CSMD1: variants seen among roughly 807,000 people sequenced by gnomAD.
CSMD1 encodes the protein CUB and sushi domain-containing protein 1.
CSMD1 carries 213 observed loss-of-function variants against 417.5 expected under a neutral mutation model. The observed-to-expected ratio is 0.51, with a 90% CI of 0.46 to 0.57. The LOEUF (loss-of-function observed/expected upper bound fraction) is 0.57, where lower values mean the gene tolerates loss of function less well. CSMD1 is among the 20% of genes least tolerant of loss of function. CSMD1 has a pLI of 0.00. For synonymous variants in CSMD1, 2,862 were observed against 1,736.8 expected (o/e 1.65, Z -16.11); for missense variants, 6,923 against 4,529.7 (o/e 1.53, Z -15.17).
At chr8:4,576,770 T>C (rs1434132668) in intron 2 of CSMD1, among the ~76,000 whole-genome samples, 1 of 152,184 alleles carries the variant, frequency 6.6e-6, no homozygotes, top group Non-Finnish European at 1.5e-5. Context: ...TGTATGCTAA[T>C]TCAAGTGATA....
At chr8:3,272,285 T>A (rs555439406) in intron 26 of CSMD1, among the ~76,000 whole-genome samples, 1 of 145,070 alleles carries the variant, frequency 6.9e-6, no homozygotes, top group South Asian at 2.3e-4. Context: ...ATTCCATTGA[T>A]CTATATCTCT....
chr8:3,608,877 C>G (rs753763632), intron 8 of CSMD1, among the ~76,000 whole-genome samples: 1 of 152,034 alleles, frequency 6.6e-6, no homozygotes, highest in East Asian at 1.9e-4. Flanking sequence ...ATCAATTAAA[C>G]CAAGATTGTC....
At position 4,143,371 on chromosome 8, in the gene CSMD1, C is replaced by CT. The variant is rs71534385; in HGVS notation, c.416-111273dup. On this transcript the variant is annotated intron_variant, in intron 3 of 69. Coordinates refer to ENST00000635120, the MANE Select transcript of CSMD1 (RefSeq NM_033225.6). ...GCTGAAATATAATGACGTCTTATCC[C>CT]TTTTTTTTTTTTTTTTGCTACAGAC... 2.2e-3 allele frequency among the ~76,000 whole-genome samples: 246 copies of CT among 112,908 alleles called. 7 individuals carry two copies. The highest frequency in any genetic ancestry group is 9.1e-3 in the Middle Eastern group (2 of 220). The allele number at this position is 112,908 out of a possible 152,430, so 74.1% of individuals were successfully genotyped here. A position where few individuals can be genotyped will look rare whatever the true frequency, so the allele number is the denominator to read the frequency against.
chr8:4,430,077 A>C (rs984703881), intron 2 of CSMD1, among the ~76,000 whole-genome samples: 1 of 152,206 alleles, frequency 6.6e-6, no homozygotes, highest in Admixed American at 6.5e-5. Context: ...AGCAGAAACA[A>C]AACTTAATGT....
intron 12 of CSMD1, among the ~76,000 whole-genome samples, chr8:3,419,762 C>A (rs1263603064): frequency 6.6e-6 from 1 of 152,180 alleles, no homozygotes; most frequent in African/African-American, 2.4e-5. Flanking sequence ...TATCTAGATT[C>A]ATTAAAAGAA....
At chr8:3,026,569 C>A (rs920388129) in intron 51 of CSMD1, among the ~76,000 whole-genome samples, 2 of 151,780 alleles carry the variant, frequency 1.3e-5, no homozygotes, top group Non-Finnish European at 2.9e-5. Flanking sequence ...CTGGACCTCA[C>A]CGGACCTCAC....
chr8:4,453,257 C>G (rs1011945386), intron 2 of CSMD1, among the ~76,000 whole-genome samples: 2 of 150,854 alleles, frequency 1.3e-5, no homozygotes, highest in African/African-American at 2.5e-5. Context: ...AACCTCCTAG[C>G]TGTACCTAAT....
chr8:3,850,582 C>CTA (rs1173173658), intron 5 of CSMD1, among the ~76,000 whole-genome samples: 6 of 152,154 alleles, frequency 3.9e-5, no homozygotes, highest in African/African-American at 1.4e-4. Context: ...GTTTTCCCAG[C>CTA]TACTTAGGAA....
At chr8:4,703,287 G>A (rs1807703646) in intron 1 of CSMD1, among the ~76,000 whole-genome samples, 1 of 152,156 alleles carries the variant, frequency 6.6e-6, no homozygotes, top group Admixed American at 6.5e-5. Context: ...AGTAGGGAGT[G>A]TAGATAATCA....
chr8:4,468,261 C>G (rs921320607), intron 2 of CSMD1, among the ~76,000 whole-genome samples: 1 of 152,200 alleles, frequency 6.6e-6, no homozygotes, highest in African/African-American at 2.4e-5. Context: ...TTCTGAGACT[C>G]CTGACCCCAC....
At chr8:3,997,780 G>A (rs1863475) in intron 5 of CSMD1, 123 bp downstream of exon 5, 569,119 of 859,706 alleles carry the variant, frequency 0.66, 188,918 homozygotes, top group East Asian at 0.79. Flanking sequence ...AGAGCAAGGC[G>A]AAAAAAGGAA....
chr8:4,045,119 G>A (rs1350788992), intron 3 of CSMD1, among the ~76,000 whole-genome samples: 1 of 152,152 alleles, frequency 6.6e-6, no homozygotes, highest in African/African-American at 2.4e-5. Context: ...GAACATGGCA[G>A]TCACCACCTG....
intron 1 of CSMD1, among the ~76,000 whole-genome samples, chr8:4,916,161 T>C (rs987590705): frequency 6.6e-6 from 1 of 152,214 alleles, no homozygotes; most frequent in African/African-American, 2.4e-5. Flanking sequence ...AAAATGTTTT[T>C]ATAAAAGAAA....
rs142527375 is a variant in CSMD1 at position 4,112,766 on chromosome 8, G to C, written c.416-80667C>G. Among the ~76,000 whole-genome samples, 25 of 152,272 alleles carry C rather than the reference G, an allele frequency of 1.6e-4. No individual in the cohort carries two copies. In the East Asian group the frequency reaches 4.6e-3, roughly 28 times the overall value. On this transcript the variant is annotated intron_variant, in intron 3 of 69. Coordinates refer to ENST00000635120, the MANE Select transcript of CSMD1 (RefSeq NM_033225.6). ...AAACAATATATCCTTAAATGCTCCA[G>C]CTTATGGCTCCAAACGTTAGAATTT...
At chr8:3,853,942 ATAATATAT>A (rs1804107751) in intron 5 of CSMD1, among the ~76,000 whole-genome samples, 1 of 146,862 alleles carries the variant, frequency 6.8e-6, no homozygotes, top group Non-Finnish European at 1.5e-5. Context: ...ATATTAAAGT[ATAATATAT>A]TAATATATTA....
At chr8:3,209,585 C>G (rs2116784077) in intron 30 of CSMD1, among the ~76,000 whole-genome samples, 1 of 152,226 alleles carries the variant, frequency 6.6e-6, no homozygotes, top group South Asian at 2.1e-4. Context: ...TCCCAAAGTG[C>G]TGGAATTACA....
In CSMD1 at chr8:4,446,436, T is replaced by C. The variant is rs533977670; in HGVS notation, c.303-26371A>G. Among the ~76,000 whole-genome samples the C allele has an allele frequency of 4.0e-3, 608 of 152,230 alleles. 5 individuals carry two copies. The highest frequency in any genetic ancestry group is 0.014 in the African/African-American group (573 of 41,544). On this transcript the variant is annotated intron_variant, in intron 2 of 69. Coordinates refer to ENST00000635120, the MANE Select transcript of CSMD1 (RefSeq NM_033225.6). ...GGTGGTGCACACCTGTAGTCCCCGC[T>C]ACTCAGGTGGCTGAGGTGGGACGAT... is the stretch of plus-strand genomic sequence containing the variant.
chr8:3,933,401 A>T (rs1004029009), intron 5 of CSMD1, among the ~76,000 whole-genome samples: 5 of 152,196 alleles, frequency 3.3e-5, no homozygotes, highest in Non-Finnish European at 7.3e-5. Flanking sequence ...AAATGAGTCT[A>T]TCAGGACTTG....
intron 3 of CSMD1, among the ~76,000 whole-genome samples, chr8:4,229,889 C>T (rs1700052): frequency 2.0e-5 from 3 of 152,054 alleles, no homozygotes; most frequent in Non-Finnish European, 4.4e-5. Context: ...ATCTGTGTAT[C>T]GCTTTGAGTG....
Sources: gnomAD v4.1 joint callset for allele counts (sites outside exome capture counted in the v4.1 genomes callset) on GRCh38, gnomAD v4.1.1 for gene constraint, MANE v1.5 for transcripts, NCBI Gene and HGNC (gene_info 2026-07-23, HGNC 2026-07-21) for gene names.